The following ITGBL1 variants were observed in gnomAD, a reference collection of about 807,000 sequenced individuals.
ITGBL1 encodes integrin subunit beta like 1.
In ITGBL1, 51 loss-of-function variants were observed where a neutral mutation model predicts 68.5. The ratio of observed to expected loss-of-function variants is 0.74; its 90% CI spans 0.59 to 0.94. ITGBL1 has a LOEUF of 0.94. ITGBL1 is among the 40% of genes least tolerant of loss of function. The probability of loss-of-function intolerance (pLI) is 0.00; values close to 1 mark genes in which losing one functional copy is unlikely to be tolerated. For missense variants in ITGBL1, 649 were observed against 647.4 expected, an observed-to-expected ratio of 1.00 and a Z score of -0.03; for synonymous variants, 209 against 227.3, an observed-to-expected ratio of 0.92 and a Z score of 0.72.
intron 2 of ITGBL1, among the ~76,000 whole-genome samples, chr13:101,496,343 A>C (rs2048858002): frequency 6.6e-6 from 1 of 152,072 alleles, no homozygotes; most frequent in Non-Finnish European, 1.5e-5. Context: ...AAGTCATTTA[A>C]ATTCTTGTGT....
At chr13:101,489,540 G>A (rs2139056762) in intron 2 of ITGBL1, among the ~76,000 whole-genome samples, 1 of 152,288 alleles carries the variant, frequency 6.6e-6, no homozygotes, top group South Asian at 2.1e-4. Context: ...GTGATTTGGA[G>A]AGAGCAGCTG....
intron 2 of ITGBL1, among the ~76,000 whole-genome samples, chr13:101,479,195 A>ATGG (rs1474888860): frequency 7.2e-5 from 11 of 152,232 alleles, no homozygotes; most frequent in African/African-American, 2.6e-4. Flanking sequence ...GGTGCCAAGA[A>ATGG]CATACATTGA....
intron 7 of ITGBL1, among the ~76,000 whole-genome samples, chr13:101,659,398 G>C (rs2033023330): frequency 6.6e-6 from 1 of 151,996 alleles, no homozygotes; most frequent in Admixed American, 6.6e-5. Flanking sequence ...TTTTAATTAA[G>C]ATCGTTCTCC....
intron 2 of ITGBL1, among the ~76,000 whole-genome samples, chr13:101,473,577 G>A (rs1355523703): frequency 6.6e-6 from 1 of 152,150 alleles, no homozygotes; most frequent in East Asian, 1.9e-4. Flanking sequence ...AGACAATCTA[G>A]ACCATAAGAA....
intron 2 of ITGBL1, among the ~76,000 whole-genome samples, chr13:101,547,643 C>T (rs913290266): frequency 6.6e-6 from 1 of 151,502 alleles, no homozygotes; most frequent in African/African-American, 2.4e-5. Context: ...TAGTATTTGA[C>T]AGCTCAACAG....
chr13:101,700,815 C>T (rs1163149672), intron 8 of ITGBL1, among the ~76,000 whole-genome samples: 2 of 152,218 alleles, frequency 1.3e-5, no homozygotes, highest in African/African-American at 2.4e-5. Flanking sequence ...GTTCCTAGAA[C>T]ATTGGCTGTC....
intron 7 of ITGBL1, among the ~76,000 whole-genome samples, chr13:101,616,289 T>C (rs4772403): frequency 0.57 from 86,356 of 151,864 alleles, 26,122 homozygotes; most frequent in Middle Eastern, 0.69. Flanking sequence ...GTTCAGGTAA[T>C]TGTTTCATCC....
At chr13:101,476,109 G>T (rs9554787) in intron 2 of ITGBL1, among the ~76,000 whole-genome samples, 21,661 of 151,990 alleles carry the variant, frequency 0.14, 2,054 homozygotes, top group East Asian at 0.43. Context: ...AAGACTAAAA[G>T]ATGAACCTAT....
rs1367306744 is a variant in ITGBL1, at chr13:101,601,792, T to C, written c.1015+3493T>C. ...GAGTTCTAGTTTGATTGCACTGTGG[T>C]CTGAGAGACAGTTTGATATAATTTC... On this transcript the variant is annotated intron_variant, in intron 7 of 10. Transcript: ENST00000376180. 5.3e-5 allele frequency among the ~76,000 whole-genome samples: 8 copies of C among 152,288 alleles called. No individual in the cohort carries two copies. In the East Asian group the frequency reaches 1.5e-3, roughly 29 times the overall value.
Position 101,697,901 on chromosome 13 carries a change from G to A in ITGBL1, c.1132+5200G>A, listed in dbSNP as rs533861446. ...CAGGTATCTGGAAGCACTAGCTGCAGAGCGTTTTGCAAGGAAGTTGGACTC... is the reference window on the plus strand; with the variant it reads ...CAGGTATCTGGAAGCACTAGCTGCAAAGCGTTTTGCAAGGAAGTTGGACTC... On this transcript the variant is annotated intron_variant, in intron 8 of 10. Coordinates refer to ENST00000376180, the MANE Select transcript of ITGBL1 (RefSeq NM_004791.3). Among the ~76,000 whole-genome samples the A allele has an allele frequency of 2.0e-5, 3 of 152,304 alleles. No individual in the cohort carries two copies. In the South Asian group the frequency reaches 6.2e-4, roughly 32 times the overall value.
chr13:101,716,414 A>G lies in ITGBL1; in HGVS notation c.*760A>G, dbSNP rs2034723339. ...AATTATGAAAAATGTACAATTTAAC[A>G]TTTTAAATAAATAGTGACAGAAGTT... On this transcript the variant is annotated 3_prime_UTR_variant, in exon 11 of 11. Coordinates refer to ENST00000376180, the MANE Select transcript of ITGBL1 (RefSeq NM_004791.3). The G allele has an allele frequency of 1.3e-5, 2 of 152,208 alleles. No homozygotes were observed. The highest frequency in any genetic ancestry group is 4.1e-4 in the South Asian group (2 of 4,832). The allele number at this position is 152,208 out of a possible 1,614,324, so 9.4% of individuals were successfully genotyped here.
chr13:101,606,886 C>T (rs1255932667), intron 7 of ITGBL1, among the ~76,000 whole-genome samples: 1 of 151,896 alleles, frequency 6.6e-6, no homozygotes, highest in Admixed American at 6.6e-5. Context: ...ATCGGTTCCC[C>T]ATATAAAATG....
At chr13:101,663,082 CA>C (rs1478804508) in intron 7 of ITGBL1, among the ~76,000 whole-genome samples, 1 of 152,020 alleles carries the variant, frequency 6.6e-6, no homozygotes, top group Non-Finnish European at 1.5e-5. Context: ...AAGGGAACCA[CA>C]AGCAGCTTTG....
At chr13:101,699,832 A>G (rs1410831544) in intron 8 of ITGBL1, among the ~76,000 whole-genome samples, 1 of 152,234 alleles carries the variant, frequency 6.6e-6, no homozygotes, top group Admixed American at 6.5e-5. Context: ...GAGACAAAAG[A>G]TGAATAAAAC....
chr13:101,510,746 T>C (rs371069954), intron 2 of ITGBL1, among the ~76,000 whole-genome samples: 1 of 152,088 alleles, frequency 6.6e-6, no homozygotes, highest in Admixed American at 6.6e-5. Flanking sequence ...TGATGATGAT[T>C]AGTGATGAGC....
rs575869553 is a variant in ITGBL1, at chr13:101,704,248, G to A, written c.1133-2508G>A. On this transcript the variant is annotated intron_variant, in intron 8 of 10. Transcript: ENST00000376180. ...GTTGTTCCACCAGGGTCTATGGGTC[G>A]GACCCTGCCTATGTAGCTCTGGAGG... 6.6e-5 allele frequency among the ~76,000 whole-genome samples: 10 copies of A among 152,140 alleles called. No individual in the cohort carries two copies. In the South Asian group the frequency reaches 1.2e-3, roughly 19 times the overall value.
intron 7 of ITGBL1, among the ~76,000 whole-genome samples, chr13:101,648,960 G>A (rs1348527112): frequency 6.6e-6 from 1 of 150,904 alleles, no homozygotes; most frequent in Admixed American, 6.6e-5. Context: ...CTCTGTATAT[G>A]CATGATAAGT....
intron 7 of ITGBL1, among the ~76,000 whole-genome samples, chr13:101,675,779 CCTT>C (rs1168720055): frequency 6.6e-6 from 1 of 151,966 alleles, no homozygotes; most frequent in Non-Finnish European, 1.5e-5. Context: ...TATCTTTTCT[CCTT>C]CTGAGAACCC....
Position 101,715,588 on chromosome 13 carries a change from CTG to C in ITGBL1, c.1422_1423del (p.Cys474Ter), listed in dbSNP as rs905548097. ...GGAATGGAATATGTAGCTGTGGAAA[CTG>C]TGAATGCTGGGATGGATGGAATGGA... ...TGNGICSCGN[C>X]ECWDGWNGNA... On this transcript the variant is annotated frameshift_variant, in exon 11 of 11. Transcript: ENST00000376180. LOFTEE classifies it high-confidence loss of function. 8.1e-6 allele frequency: 13 copies of C among 1,612,922 alleles called. No individual in the cohort carries two copies. Among genetic ancestry groups the C allele is most frequent in the African/African-American group, 4.0e-5 (3 of 74,854 alleles).
Sources: allele counts gnomAD v4.1 joint callset (sites outside exome capture counted in the v4.1 genomes callset), GRCh38; gene constraint gnomAD v4.1.1; transcripts MANE v1.5; gene names NCBI Gene and HGNC (gene_info 2026-07-23, HGNC 2026-07-21).